Variants in RAP1GDS1 observed in about 807,000 individuals in gnomAD.
The protein encoded by RAP1GDS1 is RAP1, GTP-GDP dissociation stimulator 1.
Under a neutral mutation model 71.1 loss-of-function variants are expected in RAP1GDS1, and 35 were observed. The observed-to-expected ratio is 0.49, with a 90% CI of 0.38 to 0.65. The LOEUF is 0.65. RAP1GDS1 is among the 30% of genes least tolerant of loss of function. RAP1GDS1 has a pLI of 0.00. For synonymous variants in RAP1GDS1, 229 were observed against 243.1 expected (o/e 0.94, Z 0.54); for missense variants, 663 against 706.1 (o/e 0.94, Z 0.69).
intron 12 of RAP1GDS1, among the ~76,000 whole-genome samples, chr4:98,426,277 G>A (rs748918322): frequency 1.3e-5 from 2 of 152,048 alleles, no homozygotes; most frequent in Non-Finnish European, 2.9e-5. Flanking sequence ...AAGTCTGAAA[G>A]AGCACAAAGA....
At chr4:98,440,961 G>A (rs1751779874) in intron 14 of RAP1GDS1, among the ~76,000 whole-genome samples, 1 of 152,204 alleles carries the variant, frequency 6.6e-6, no homozygotes, top group African/African-American at 2.4e-5. Context: ...CCAAAGTGCT[G>A]GGATAACAGG....
intron 5 of RAP1GDS1, among the ~76,000 whole-genome samples, chr4:98,381,049 T>G (rs1350269817): frequency 6.6e-6 from 1 of 151,662 alleles, no homozygotes; most frequent in Non-Finnish European, 1.5e-5. Context: ...AGATTATAAT[T>G]AACAGCATGT....
chr4:98,440,096 C>T (rs552429760), intron 14 of RAP1GDS1, among the ~76,000 whole-genome samples: 1 of 152,154 alleles, frequency 6.6e-6, no homozygotes, highest in Non-Finnish European at 1.5e-5. Context: ...AACTCCTGTC[C>T]TTTTTTGTCT....
chr4:98,303,705 A>T (rs1728911094), intron 2 of RAP1GDS1, among the ~76,000 whole-genome samples: 1 of 151,074 alleles, frequency 6.6e-6, no homozygotes, highest in Admixed American at 6.6e-5. Flanking sequence ...TTTTAAAAAA[A>T]ATTATTTTAA....
chr4:98,373,492 C>T (rs1190607369), intron 4 of RAP1GDS1, among the ~76,000 whole-genome samples: 1 of 151,368 alleles, frequency 6.6e-6, no homozygotes, highest in Non-Finnish European at 1.5e-5. Context: ...TTGGGGTTCT[C>T]TAAGCTTTAA....
At chr4:98,299,798 C>T (rs1728308152) in intron 2 of RAP1GDS1, among the ~76,000 whole-genome samples, 1 of 151,878 alleles carries the variant, frequency 6.6e-6, no homozygotes. Context: ...CCATGCCTGG[C>T]TGATTTTTGT....
chr4:98,433,299 C>CT lies in RAP1GDS1; in HGVS notation c.1441-625dup, dbSNP rs554332407. On this transcript the variant is annotated intron_variant, in intron 12 of 14. Coordinates refer to ENST00000408927, the MANE Select transcript of RAP1GDS1 (RefSeq NM_001100427.2). ...CACTATCATGAAAATTTAAAAGCAA[C>CT]TTTTTTTTTTTTAAGAGGCAGGTTC... Among the ~76,000 whole-genome samples, 389 of 146,794 alleles carry CT rather than the reference C, an allele frequency of 2.6e-3. 1 individual carries two copies. Among genetic ancestry groups the CT allele is most frequent in the South Asian group, 6.2e-3 (28 of 4,546 alleles).
At chr4:98,401,923 GAGTA>G (rs1402800510) in intron 6 of RAP1GDS1, among the ~76,000 whole-genome samples, 5 of 152,106 alleles carry the variant, frequency 3.3e-5, no homozygotes. Flanking sequence ...TTTTAAAGAA[GAGTA>G]AGAACATGTA....
intron 2 of RAP1GDS1, among the ~76,000 whole-genome samples, chr4:98,303,204 A>C (rs1431223403): frequency 6.6e-6 from 1 of 152,184 alleles, no homozygotes; most frequent in Non-Finnish European, 1.5e-5. Context: ...GCTGTAGAAG[A>C]ATCCTGTTAA....
chr4:98,308,331 A>ATATATATATC (rs1387647887), intron 2 of RAP1GDS1, among the ~76,000 whole-genome samples: 1 of 137,424 alleles, frequency 7.3e-6, no homozygotes, highest in East Asian at 2.1e-4. Context: ...ATATATATAT[A>ATATATATATC]TGCGCCAGGC....
intron 1 of RAP1GDS1, among the ~76,000 whole-genome samples, chr4:98,262,724 C>G (rs144370685): frequency 6.6e-6 from 1 of 152,202 alleles, no homozygotes; most frequent in Admixed American, 6.5e-5. Context: ...GTCCTTTCAT[C>G]TGTTAATACA....
intron 7 of RAP1GDS1, among the ~76,000 whole-genome samples, chr4:98,407,301 C>A (rs1028147945): frequency 5.3e-5 from 8 of 151,434 alleles, no homozygotes; most frequent in African/African-American, 1.9e-4. Flanking sequence ...ACTTGTACTC[C>A]CTAAATCTAC....
chr4:98,389,751 C>T (rs1321882686), intron 5 of RAP1GDS1, among the ~76,000 whole-genome samples: 3 of 152,070 alleles, frequency 2.0e-5, no homozygotes, highest in Non-Finnish European at 4.4e-5. Context: ...TACCTGGAAC[C>T]AAAATTTGTA....
At chr4:98,351,898 G>C (rs1192113610) in intron 3 of RAP1GDS1, among the ~76,000 whole-genome samples, 2 of 151,820 alleles carry the variant, frequency 1.3e-5, no homozygotes, top group Non-Finnish European at 2.9e-5. Context: ...TTTAATAAAG[G>C]ACAGGAGTGA....
chr4:98,382,361 A>G (rs1478107317), intron 5 of RAP1GDS1, among the ~76,000 whole-genome samples: 1 of 151,636 alleles, frequency 6.6e-6, no homozygotes, highest in East Asian at 1.9e-4. Flanking sequence ...TGGAAAAAAT[A>G]TACATGTTTT....
At chr4:98,324,240 A>G (rs1169892005) in intron 2 of RAP1GDS1, among the ~76,000 whole-genome samples, 1 of 147,920 alleles carries the variant, frequency 6.8e-6, no homozygotes, top group Non-Finnish European at 1.5e-5. Context: ...TTCAAGGAGA[A>G]CTACAAACCA....
At chr4:98,331,286 C>T (rs540720626) in intron 2 of RAP1GDS1, among the ~76,000 whole-genome samples, 9 of 144,398 alleles carry the variant, frequency 6.2e-5, no homozygotes, top group South Asian at 2.2e-4. Context: ...CCATGGAAAG[C>T]GGGAGACGGA....
intron 2 of RAP1GDS1, among the ~76,000 whole-genome samples, chr4:98,331,851 A>G (rs551593025): frequency 7.9e-5 from 12 of 152,224 alleles, no homozygotes; most frequent in Non-Finnish European, 1.8e-4. Context: ...ACTTGAACAA[A>G]ACAGTAGCAC....
chr4:98,281,498 G>C (rs1314106029), intron 1 of RAP1GDS1, among the ~76,000 whole-genome samples: 2 of 152,164 alleles, frequency 1.3e-5, no homozygotes, highest in African/African-American at 4.8e-5. Context: ...CCAGCTTAAG[G>C]AGATTTTGGG....
Sources: gnomAD v4.1 joint callset for allele counts (sites outside exome capture counted in the v4.1 genomes callset) on GRCh38, gnomAD v4.1.1 for gene constraint, MANE v1.5 for transcripts, NCBI Gene and HGNC (gene_info 2026-07-23, HGNC 2026-07-21) for gene names.